Variants in OPRD1 observed in about 807,000 individuals in gnomAD.
The protein encoded by OPRD1 is opioid receptor delta 1, also known as delta-type opioid receptor.
In OPRD1, 19 loss-of-function variants were observed where a neutral mutation model predicts 17.5. The ratio of observed to expected loss-of-function variants is 1.09; its 90% CI spans 0.76 to 1.60. OPRD1 has a LOEUF of 1.60. Ranked by LOEUF, OPRD1 falls within the 40% of genes most tolerant of loss-of-function variation. The probability of loss-of-function intolerance (pLI) is 0.00; values close to 1 mark genes in which losing one functional copy is unlikely to be tolerated. For synonymous variants in OPRD1, 256 were observed against 240.9 expected, an observed-to-expected ratio of 1.06 and a Z score of -0.58; for missense variants, 483 against 547.2, an observed-to-expected ratio of 0.88 and a Z score of 1.17.
chr1:28,863,011 G>C lies in OPRD1; in HGVS notation c.847G>C (p.Val283Leu). ...CWAPIHIFVI[V>L]WTLVDIDRRD... ...GGCGCCCATCCACATCTTCGTCATC[G>C]TCTGGACGCTGGTGGACATCGACCG... The change falls in exon 3 of 3, where the codon GTC (valine) becomes CTC (leucine). Residue 283 changes from valine (V) to leucine (L), a missense_variant. Val to Leu is a conservative substitution (Grantham distance 32). Coordinates refer to ENST00000234961, the MANE Select transcript of OPRD1 (RefSeq NM_000911.4). 1 of 1,609,732 alleles carries C rather than the reference G, an allele frequency of 6.2e-7. No individual in the cohort carries two copies. The highest frequency in any genetic ancestry group is 1.1e-5 in the South Asian group (1 of 90,588).
At chr1:28,833,831 C>G (rs1256946140) in intron 1 of OPRD1, among the ~76,000 whole-genome samples, 1 of 152,212 alleles carries the variant, frequency 6.6e-6, no homozygotes, top group African/African-American at 2.4e-5. Flanking sequence ...CTACATTTGG[C>G]TATCAGGATT....
rs1010371718 is a variant in OPRD1 at position 28,865,332 on chromosome 1, T to G, written c.*2049T>G. 6.6e-6 allele frequency: 1 copy of G among 152,158 alleles called. No individual in the cohort carries two copies. The highest frequency in any genetic ancestry group is 2.4e-5 in the African/African-American group (1 of 41,422). 9.4% of individuals were successfully genotyped at this position (152,158 alleles called of 1,614,324 possible). ...TTTTTTGGGACAGATGGAAAGAAAT[T>G]GACGTCTTTGTCTCAAACAAAAGAA... On this transcript the variant is annotated 3_prime_UTR_variant, in exon 3 of 3. Transcript: ENST00000234961.
chr1:28,861,911 TTC>T (rs1491538733), intron 2 of OPRD1, among the ~76,000 whole-genome samples: 1 of 147,858 alleles, frequency 6.8e-6, no homozygotes, highest in African/African-American at 2.5e-5. Flanking sequence ...TTCTTTTCTT[TTC>T]TTTTTTTTTT....
rs189142725 is a variant in OPRD1 at position 28,833,935 on chromosome 1, G to A, written c.227+21325G>A. On this transcript the variant is annotated intron_variant, in intron 1 of 2. Transcript: ENST00000234961. ...CAAAAGTAGGTGGTCACAAACCAGTGTTCTGTTTTTTTGTTGCCCAGGCTG... is the reference window on the plus strand; with the variant it reads ...CAAAAGTAGGTGGTCACAAACCAGTATTCTGTTTTTTTGTTGCCCAGGCTG... Among the ~76,000 whole-genome samples, 51 of 152,282 alleles carry A rather than the reference G, an allele frequency of 3.3e-4. No homozygotes were observed. In the East Asian group the frequency reaches 8.9e-3, roughly 26 times the overall value.
intron 1 of OPRD1, among the ~76,000 whole-genome samples, chr1:28,856,274 T>C (rs369962205): frequency 6.6e-6 from 1 of 152,320 alleles, no homozygotes; most frequent in East Asian, 1.9e-4. Context: ...TTAGGCTACA[T>C]AGTAATTCTC....
intron 1 of OPRD1, among the ~76,000 whole-genome samples, chr1:28,832,494 G>C (rs1426132361): frequency 6.6e-6 from 1 of 152,110 alleles, no homozygotes; most frequent in Non-Finnish European, 1.5e-5. Flanking sequence ...GCACACACCT[G>C]TAGTCCCAAC....
chr1:28,835,878 C>T (rs1238501378), intron 1 of OPRD1, among the ~76,000 whole-genome samples: 1 of 152,188 alleles, frequency 6.6e-6, no homozygotes, highest in East Asian at 1.9e-4. Flanking sequence ...TACTTCATCC[C>T]TCTGAGCCTC....
At chr1:28,855,346 A>G (rs920912824) in intron 1 of OPRD1, among the ~76,000 whole-genome samples, 3 of 152,178 alleles carry the variant, frequency 2.0e-5, no homozygotes, top group Non-Finnish European at 4.4e-5. Context: ...GGGAACATCA[A>G]AGAGGCCAGT....
At chr1:28,862,652 C>A in intron 2 of OPRD1, 90 bp from the exon 3 acceptor site, 1 of 1,307,646 alleles carries the variant, frequency 7.6e-7, no homozygotes, top group South Asian at 1.5e-5. Context: ...GGGACTTGCC[C>A]AAGCCTTGAA....
intron 1 of OPRD1, among the ~76,000 whole-genome samples, chr1:28,846,453 C>T (rs1454554027): frequency 2.0e-5 from 3 of 151,942 alleles, no homozygotes; most frequent in Non-Finnish European, 2.9e-5. Context: ...AGAGCAAACT[C>T]GGGCAGATCA....
Position 28,817,390 on chromosome 1 carries a change from C to CT in OPRD1, c.227+4781dup, listed in dbSNP as rs1460643279. On this transcript the variant is annotated intron_variant, in intron 1 of 2. Coordinates refer to ENST00000234961, the MANE Select transcript of OPRD1 (RefSeq NM_000911.4). ...AGGGGAGTTGGGCCAGGCAGGTGGGCTGTGGCAGGGTCGGGATAGGTGAAT... is the reference window on the plus strand; with the variant it reads ...AGGGGAGTTGGGCCAGGCAGGTGGGCTTGTGGCAGGGTCGGGATAGGTGAAT... Among the ~76,000 whole-genome samples, 5 of 152,170 alleles carry CT rather than the reference C, an allele frequency of 3.3e-5. No individual in the cohort carries two copies. The East Asian group carries it at 9.6e-4, about 29-fold the overall frequency.
At chr1:28,845,154 C>T (rs1004452136) in intron 1 of OPRD1, among the ~76,000 whole-genome samples, 5 of 151,566 alleles carry the variant, frequency 3.3e-5, no homozygotes, top group African/African-American at 1.2e-4. Context: ...ACCAGCCTTA[C>T]CAATATGGTG....
rs560108495 is a variant in OPRD1 at position 28,817,783 on chromosome 1, C to T, written c.227+5173C>T. On this transcript the variant is annotated intron_variant, in intron 1 of 2. Transcript: ENST00000234961. ...GCAGTGGTGTGATCTCGGCTCACTG[C>T]AACCTCTGCCTCCCTGGTTCAAGGG... Among the ~76,000 whole-genome samples the T allele has an allele frequency of 3.3e-5, 5 of 152,060 alleles. No homozygotes were observed. In the South Asian group the frequency reaches 6.2e-4, roughly 19 times the overall value.
chr1:28,844,809 A>G (rs1411521507), intron 1 of OPRD1, among the ~76,000 whole-genome samples: 7 of 152,024 alleles, frequency 4.6e-5, no homozygotes, highest in Non-Finnish European at 1.5e-5. Context: ...CAGTGGCACA[A>G]TCTCGGCTCA....
intron 1 of OPRD1, among the ~76,000 whole-genome samples, chr1:28,825,470 C>T (rs939109560): frequency 6.6e-6 from 1 of 152,140 alleles, no homozygotes; most frequent in Admixed American, 6.5e-5. Context: ...ACTGCAACCT[C>T]CACCTCCCGG....
At chr1:28,816,408 C>T (rs2088671448) in intron 1 of OPRD1, among the ~76,000 whole-genome samples, 1 of 152,108 alleles carries the variant, frequency 6.6e-6, no homozygotes, top group African/African-American at 2.4e-5. Flanking sequence ...GAGGGAGGAG[C>T]TGTGGCTGGG....
At chr1:28,820,193 ATTTT>A (rs1271417329) in intron 1 of OPRD1, among the ~76,000 whole-genome samples, 1 of 128,886 alleles carries the variant, frequency 7.8e-6, no homozygotes, top group Non-Finnish European at 1.7e-5. Context: ...GAGGAACTAG[ATTTT>A]TTTTTTTTTT....
chr1:28,850,924 A>C (rs1369305582), intron 1 of OPRD1, among the ~76,000 whole-genome samples: 2 of 152,084 alleles, frequency 1.3e-5, no homozygotes, highest in South Asian at 2.1e-4. Flanking sequence ...GGATCTATCC[A>C]GGAGGCCCAA....
rs60241573 is a variant in OPRD1, at chr1:28,844,164, GTTT to G, written c.228-14776_228-14774del. Among the ~76,000 whole-genome samples the G allele has an allele frequency of 8.3e-4, 115 of 137,936 alleles. 1 individual carries two copies. The highest frequency in any genetic ancestry group is 1.3e-3 in the Admixed American group (18 of 13,926). The allele number at this position is 137,936 out of a possible 152,430, so 90.5% of individuals were successfully genotyped here. A position where few individuals can be genotyped will look rare whatever the true frequency, so the allele number is the denominator to read the frequency against. On this transcript the variant is annotated intron_variant, in intron 1 of 2. Transcript: ENST00000234961. ...AAATCCTTGCCAATACTTGATTTCT[GTTT>G]TTTTTTTTTTTTTCATTATCTTAAT...
Sources: gnomAD v4.1 joint callset for allele counts (sites outside exome capture counted in the v4.1 genomes callset) on GRCh38, gnomAD v4.1.1 for gene constraint, MANE v1.5 for transcripts, NCBI Gene and HGNC (gene_info 2026-07-23, HGNC 2026-07-21) for gene names.